The following HS3ST5 variants were observed in gnomAD, a reference collection of about 807,000 sequenced individuals.
The protein encoded by HS3ST5 is heparan sulfate glucosamine 3-O-sulfotransferase 5.
Under a neutral mutation model 25.4 loss-of-function variants are expected in HS3ST5, and 10 were observed. That is an observed-to-expected ratio of 0.39 (90% CI 0.24 to 0.67). HS3ST5 has a LOEUF of 0.67. Ranked by LOEUF, HS3ST5 falls within the 30% of genes least tolerant of loss-of-function variation. The pLI, the probability that HS3ST5 is intolerant of heterozygous loss-of-function variation, is 0.44. For synonymous variants in HS3ST5, 170 were observed against 162.4 expected (o/e 1.05, Z -0.36); for missense variants, 324 against 420.7 (o/e 0.77, Z 2.01).
intron 3 of HS3ST5, among the ~76,000 whole-genome samples, chr6:114,168,059 A>C (rs1779299634): frequency 6.6e-6 from 1 of 152,180 alleles, no homozygotes; most frequent in South Asian, 2.1e-4. Context: ...CACACACACA[A>C]ACAAAAAACA....
At chr6:114,228,405 T>C (rs1771413441) in intron 2 of HS3ST5, among the ~76,000 whole-genome samples, 180 bp downstream of exon 2, 1 of 152,214 alleles carries the variant, frequency 6.6e-6, no homozygotes, top group African/African-American at 2.4e-5. Flanking sequence ...AGATAACAAT[T>C]TTTAAACATT....
intron 1 of HS3ST5, among the ~76,000 whole-genome samples, chr6:114,244,990 C>T (rs1772314455): frequency 6.6e-6 from 1 of 152,186 alleles, no homozygotes; most frequent in Non-Finnish European, 1.5e-5. Context: ...TGAAAACATA[C>T]ATTGTTACTG....
intron 1 of HS3ST5, among the ~76,000 whole-genome samples, chr6:114,288,181 T>A (rs78908685): frequency 0.041 from 6,185 of 152,152 alleles, 419 homozygotes; most frequent in African/African-American, 0.13. Flanking sequence ...AAAGCAGCAG[T>A]GTGATCAACA....
At chr6:114,210,282 AG>A (rs1781453777) in intron 2 of HS3ST5, among the ~76,000 whole-genome samples, 1 of 152,182 alleles carries the variant, frequency 6.6e-6, no homozygotes, top group African/African-American at 2.4e-5. Context: ...TGAAAGCAAA[AG>A]CCTCTTGTAG....
At chr6:114,301,566 A>G (rs1005005704) in intron 1 of HS3ST5, among the ~76,000 whole-genome samples, 8 of 151,806 alleles carry the variant, frequency 5.3e-5, no homozygotes, top group South Asian at 2.1e-4. Context: ...AAGAAGCCAT[A>G]ATATTCTCCC....
intron 2 of HS3ST5, among the ~76,000 whole-genome samples, chr6:114,203,379 G>T (rs1781118840): frequency 6.6e-6 from 1 of 152,116 alleles, no homozygotes; most frequent in Admixed American, 6.6e-5. Flanking sequence ...AACCGCCTTT[G>T]TAAGACTGAT....
chr6:114,339,583 C>A, intron 1 of HS3ST5, among the ~76,000 whole-genome samples: 1 of 152,084 alleles, frequency 6.6e-6, no homozygotes, highest in East Asian at 1.9e-4. Context: ...TTCAGTGCAA[C>A]AAGAATATTT....
Position 114,342,256 on chromosome 6 carries a change from C to A in HS3ST5, c.-400G>T, listed in dbSNP as rs1305731739. The A allele has an allele frequency of 7.9e-6, 1 of 126,442 alleles. No individual in the cohort carries two copies. The highest frequency in any genetic ancestry group is 2.1e-4 in the South Asian group (1 of 4,796). 7.8% of individuals were successfully genotyped at this position (126,442 alleles called of 1,614,324 possible). A position where few individuals can be genotyped will look rare whatever the true frequency, so the allele number is the denominator to read the frequency against. ...CAGGGCGCGGGGGTCGGCGGCGGGT[C>A]GCGTGGGGGTCACCCGGCCGCTGCT... On this transcript the variant is annotated 5_prime_UTR_variant, in exon 1 of 5. Coordinates refer to ENST00000312719, the MANE Select transcript of HS3ST5 (RefSeq NM_153612.4).
intron 1 of HS3ST5, among the ~76,000 whole-genome samples, chr6:114,327,322 C>G (rs1014563218): frequency 6.6e-6 from 1 of 152,170 alleles, no homozygotes; most frequent in East Asian, 1.9e-4. Context: ...CTTCCTTGTT[C>G]TTTAGCTATG....
chr6:114,149,301 A>G (rs531105295), intron 3 of HS3ST5, among the ~76,000 whole-genome samples: 1 of 152,344 alleles, frequency 6.6e-6, no homozygotes, highest in African/African-American at 2.4e-5. Flanking sequence ...TTGAAGCACT[A>G]TTTACAATAG....
At chr6:114,115,697 G>A (rs1776488984) in intron 3 of HS3ST5, among the ~76,000 whole-genome samples, 1 of 152,052 alleles carries the variant, frequency 6.6e-6, no homozygotes, top group South Asian at 2.1e-4. Context: ...TGAACTATTT[G>A]AAGGAAGTTC....
At chr6:114,148,905 A>G (rs1337162237) in intron 3 of HS3ST5, among the ~76,000 whole-genome samples, 1 of 152,228 alleles carries the variant, frequency 6.6e-6, no homozygotes, top group African/African-American at 2.4e-5. Flanking sequence ...AAACAACCCC[A>G]TCAAAAAGTG....
chr6:114,158,364 G>A (rs1421270647), intron 3 of HS3ST5, among the ~76,000 whole-genome samples: 5 of 152,156 alleles, frequency 3.3e-5, no homozygotes, highest in Non-Finnish European at 2.9e-5. Flanking sequence ...CTTAGGCAGA[G>A]GTTGGAAGAA....
At chr6:114,129,970 A>G (rs1044503024) in intron 3 of HS3ST5, among the ~76,000 whole-genome samples, 7 of 152,218 alleles carry the variant, frequency 4.6e-5, no homozygotes, top group Admixed American at 1.3e-4. Flanking sequence ...TGTAAACAAT[A>G]TTAGAAATCA....
At chr6:114,120,004 G>T (rs570051956) in intron 3 of HS3ST5, among the ~76,000 whole-genome samples, 42 of 152,234 alleles carry the variant, frequency 2.8e-4, no homozygotes, top group African/African-American at 1.0e-3. Flanking sequence ...AATTACCCAG[G>T]TGTGGTGACA....
chr6:114,267,951 A>C (rs970557799), intron 1 of HS3ST5, among the ~76,000 whole-genome samples: 4 of 152,214 alleles, frequency 2.6e-5, no homozygotes, highest in Non-Finnish European at 5.9e-5. Context: ...ATTACAAAAA[A>C]AATCTATTTA....
intron 2 of HS3ST5, among the ~76,000 whole-genome samples, chr6:114,181,921 C>T (rs557198559): frequency 4.0e-5 from 6 of 151,618 alleles, no homozygotes; most frequent in African/African-American, 7.3e-5. Context: ...CGCACACACA[C>T]GTAGACTATC....
intron 1 of HS3ST5, among the ~76,000 whole-genome samples, chr6:114,256,874 T>C (rs1005415187): frequency 1.3e-5 from 2 of 152,202 alleles, no homozygotes; most frequent in Non-Finnish European, 2.9e-5. Flanking sequence ...TATAAAGACA[T>C]ACCTGAGGCT....
chr6:114,323,762 G>C (rs1384677788), intron 1 of HS3ST5, among the ~76,000 whole-genome samples: 2 of 152,070 alleles, frequency 1.3e-5, no homozygotes, highest in Non-Finnish European at 2.9e-5. Context: ...GAAAAATAAA[G>C]TATACAGAGT....
Sources: allele counts gnomAD v4.1 joint callset (sites outside exome capture counted in the v4.1 genomes callset), GRCh38; gene constraint gnomAD v4.1.1; transcripts MANE v1.5; gene names NCBI Gene and HGNC (gene_info 2026-07-23, HGNC 2026-07-21).